Variants in KCNA3 observed in about 807,000 individuals in gnomAD.
KCNA3 encodes potassium voltage-gated channel subfamily A member 3.
Under a neutral mutation model 34.3 loss-of-function variants are expected in KCNA3, and 18 were observed. The observed-to-expected ratio is 0.52, with a 90% CI of 0.36 to 0.78. The LOEUF (loss-of-function observed/expected upper bound fraction) is 0.78, where lower values mean the gene tolerates loss of function less well. Ranked by LOEUF, KCNA3 falls within the 30% of genes least tolerant of loss-of-function variation. The probability of loss-of-function intolerance (pLI) is 0.00; values close to 1 mark genes in which losing one functional copy is unlikely to be tolerated. For synonymous variants in KCNA3, 324 were observed against 351.7 expected (o/e 0.92, Z 0.88); for missense variants, 587 against 802.5 (o/e 0.73, Z 3.24).
At chr1:110,657,691 A>G in the KCNA3 span, among the ~76,000 whole-genome samples, 1 of 152,254 alleles carries the variant, frequency 6.6e-6, no homozygotes, top group Non-Finnish European at 1.5e-5. Flanking sequence ...TAAATATACT[A>G]TAATGCATAC....
chr1:110,667,428 G>A, the KCNA3 span, among the ~76,000 whole-genome samples: 4 of 152,150 alleles, frequency 2.6e-5, no homozygotes, highest in Admixed American at 2.0e-4. Context: ...TATGACCCCT[G>A]TATCTGCAAA....
chr1:110,654,846 T>C, the KCNA3 span: 4 of 152,172 alleles, frequency 2.6e-5, no homozygotes, highest in African/African-American at 9.6e-5. Context: ...CCATATTATC[T>C]TGGACTAGTC....
the KCNA3 span, chr1:110,655,562 T>A: frequency 1.3e-5 from 2 of 152,064 alleles, no homozygotes; most frequent in African/African-American, 4.8e-5. Flanking sequence ...CAGTAATACA[T>A]AAGCGACTCA....
At chr1:110,653,643 T>A in the KCNA3 span, 1 of 152,120 alleles carries the variant, frequency 6.6e-6, no homozygotes, top group Non-Finnish European at 1.5e-5. Context: ...AAAAAATCAA[T>A]CAGATGAAAA....
In KCNA3 at chr1:110,674,760, C is replaced by T. The variant is rs1652027849; in HGVS notation, c.50G>A (p.Arg17His). 4 of 1,359,580 alleles carry T rather than the reference C, an allele frequency of 2.9e-6. No individual in the cohort carries two copies. Among genetic ancestry groups the T allele is most frequent in the South Asian group, 1.9e-5 (1 of 53,250 alleles). The allele number at this position is 1,359,580 out of a possible 1,614,324, so 84.2% of individuals were successfully genotyped here. Residue 17 changes from arginine to histidine, a missense_variant, in exon 1 of 1, where the codon CGC becomes CAC. Arg to His is a conservative substitution (Grantham distance 29). Around this residue, in one of 7 missense-constraint regions of KCNA3, gnomAD observed 341 missense variants for 355.4 expected, o/e 0.96. Coordinates refer to ENST00000369769, the MANE Select transcript of KCNA3 (RefSeq NM_002232.5). The surrounding 1 kb of genome is among the most constrained non-coding windows in gnomAD (Gnocchi z 6.4). ...LLRSPPPPSA[R>H]HRAHPPQRPA... ...GCGCTGAGGAGGGTGGGCGCGGTGG[C>T]GGGCTGAGGGCGGCGGCGGCGAGCG...
rs752649641 is a variant in KCNA3 at position 110,673,031 on chromosome 1, G to C, written c.*51C>G. ...TAAAACAAGGGCATAGGCAGACCAAGGGGGCACGTTCCACACAATACTGAG... is the reference window on the plus strand; with the variant it reads ...TAAAACAAGGGCATAGGCAGACCAACGGGGCACGTTCCACACAATACTGAG... On this transcript the variant is annotated 3_prime_UTR_variant, in exon 1 of 1. Coordinates refer to ENST00000369769, the MANE Select transcript of KCNA3 (RefSeq NM_002232.5). This position sits in a 1 kb window ranked among gnomAD's most constrained non-coding sequence, Gnocchi z 8.8. The C allele has an allele frequency of 5.4e-5, 83 of 1,532,432 alleles. No homozygotes were observed. The highest frequency in any genetic ancestry group is 6.2e-5 in the Non-Finnish European group (70 of 1,128,452). 94.9% of individuals were successfully genotyped at this position (1,532,432 alleles called of 1,614,324 possible). A position where few individuals can be genotyped will look rare whatever the true frequency, so the allele number is the denominator to read the frequency against.
chr1:110,668,851 C>T (rs998727106), downstream of KCNA3, among the ~76,000 whole-genome samples: 2 of 152,052 alleles, frequency 1.3e-5, no homozygotes, highest in African/African-American at 4.8e-5. Flanking sequence ...ACACATAAGA[C>T]GTGCAACTGA....
the KCNA3 span, among the ~76,000 whole-genome samples, chr1:110,659,023 G>C: frequency 6.6e-6 from 1 of 152,108 alleles, no homozygotes. Context: ...TTTGGGCACA[G>C]TGTAGACTTC....
the KCNA3 span, chr1:110,655,034 T>C: frequency 6.6e-6 from 1 of 152,156 alleles, no homozygotes; most frequent in African/African-American, 2.4e-5. Context: ...GTTGTATTTG[T>C]TATTCTGACT....
Position 110,673,828 on chromosome 1 carries a change from T to C in KCNA3, c.982A>G (p.Met328Val). 2 of 1,614,084 alleles carry C rather than the reference T, an allele frequency of 1.2e-6. No individual in the cohort carries two copies. Among genetic ancestry groups the C allele is most frequent in the Non-Finnish European group, 1.7e-6 (2 of 1,180,012 alleles). Residue 328 changes from methionine to valine, a missense_variant, in exon 1 of 1, where the codon ATG (methionine) becomes GTG (valine). Physicochemically the swap from Met to Val is conservative, Grantham distance 21. Coordinates refer to ENST00000369769, the MANE Select transcript of KCNA3 (RefSeq NM_002232.5). This position sits in a 1 kb window ranked among gnomAD's most constrained non-coding sequence, Gnocchi z 8.8. ...PSKATFSRNIMNLIDIVAIIP... is the reference protein window; with the variant it reads ...PSKATFSRNIVNLIDIVAIIP... ...ATGGCCACAATGTCGATCAGGTTCA[T>C]GATGTTTCGCGAGAAGGTGGCTTTG...
chr1:110,674,044 G>GCGTCTC lies in KCNA3; in HGVS notation c.760_765dup (p.Glu254_Thr255dup). 6.2e-7 allele frequency: 1 copy of GCGTCTC among 1,607,992 alleles called. No homozygotes were observed. The highest frequency in any genetic ancestry group is 8.5e-7 in the Non-Finnish European group (1 of 1,176,330). On this transcript the variant is annotated inframe_insertion, in exon 1 of 1. Coordinates refer to ENST00000369769, the MANE Select transcript of KCNA3 (RefSeq NM_002232.5). This position sits in a 1 kb window ranked among gnomAD's most constrained non-coding sequence, Gnocchi z 6.4. The stretch of plus-strand genomic sequence containing the variant: ...TCCTTCTCGTCGCGGAACTCCGGCA[G>GCGTCTC]CGTCTCCAGGCAGAAGATGACAATG...
chr1:110,659,065 T>C, the KCNA3 span, among the ~76,000 whole-genome samples: 2 of 152,102 alleles, frequency 1.3e-5, no homozygotes, highest in Admixed American at 1.3e-4. Flanking sequence ...CTAATCTATG[T>C]ATGAGAGCCT....
the KCNA3 span, among the ~76,000 whole-genome samples, chr1:110,660,199 A>G: frequency 1.3e-5 from 2 of 152,194 alleles, no homozygotes; most frequent in African/African-American, 4.8e-5. Flanking sequence ...TTAACTACAT[A>G]TTTCTTTTAA....
the KCNA3 span, chr1:110,653,954 TATA>T: frequency 6.6e-6 from 1 of 152,214 alleles, no homozygotes; most frequent in Non-Finnish European, 1.5e-5. Context: ...TAAATTCCAA[TATA>T]ATAAGTTCTA....
chr1:110,663,226 C>T, the KCNA3 span, among the ~76,000 whole-genome samples: 4 of 152,018 alleles, frequency 2.6e-5, no homozygotes, highest in Admixed American at 6.6e-5. Context: ...CAATCCTTCA[C>T]CCAAAACCAG....
At chr1:110,664,792 G>C in the KCNA3 span, among the ~76,000 whole-genome samples, 2 of 152,186 alleles carry the variant, frequency 1.3e-5, no homozygotes, top group African/African-American at 4.8e-5. Flanking sequence ...AAAATAAGAA[G>C]AGAAAGGATA....
downstream of KCNA3, among the ~76,000 whole-genome samples, chr1:110,671,332 G>A (rs1408968547): frequency 6.6e-6 from 1 of 152,214 alleles, no homozygotes; most frequent in African/African-American, 2.4e-5. Context: ...TGAGAAAGGT[G>A]TAAATTATTT....
downstream of KCNA3, among the ~76,000 whole-genome samples, chr1:110,670,546 T>G (rs1243202627): frequency 1.3e-5 from 2 of 152,184 alleles, no homozygotes; most frequent in African/African-American, 2.4e-5. Flanking sequence ...AAAAATTATT[T>G]TAATGTAATT....
chr1:110,670,613 T>G (rs1213151956), downstream of KCNA3, among the ~76,000 whole-genome samples: 3 of 152,150 alleles, frequency 2.0e-5, no homozygotes, highest in African/African-American at 7.2e-5. Context: ...TTCTGGTCAT[T>G]AAGGGTACCA....
Sources: gnomAD v4.1 joint callset for allele counts (sites outside exome capture counted in the v4.1 genomes callset) on GRCh38, gnomAD v4.1.1 for gene constraint, gnomAD v4.1.1 regional missense constraint, Gnocchi (gnomAD v3.1) non-coding constraint, MANE v1.5 for transcripts, NCBI Gene and HGNC (gene_info 2026-07-23, HGNC 2026-07-21) for gene names.